CARF: variants seen among roughly 807,000 people sequenced by gnomAD.
CARF encodes calcium-responsive transcription factor.
Under a neutral mutation model 82.0 loss-of-function variants are expected in CARF, and 57 were observed. The ratio of observed to expected loss-of-function variants is 0.70; its 90% CI spans 0.56 to 0.87. CARF has a LOEUF of 0.87. Among genes scored for constraint, CARF ranks in the 40% least tolerant of loss-of-function variants. CARF has a pLI of 0.00. For missense variants in CARF, 771 were observed against 855.8 expected (o/e 0.90, Z 1.24); for synonymous variants, 268 against 290.1 (o/e 0.92, Z 0.77).
At position 202,987,526 on chromosome 2, in the gene CARF, ATTAAC is replaced by A. The variant is rs1322305237; in HGVS notation, c.*3906_*3910del. 2.0e-5 allele frequency among the ~76,000 whole-genome samples: 3 copies of A among 152,318 alleles called. No individual in the cohort carries two copies. The highest frequency in any genetic ancestry group is 7.2e-5 in the African/African-American group (3 of 41,564). On this transcript the variant is annotated 3_prime_UTR_variant, in exon 17 of 17. Transcript: ENST00000438828. ...ATCTAAAAATCTGTCATTCTACTTA[ATTAAC>A]TTAGTCATAAGGACAAAGCCTTAGT...
chr2:202,968,689 G>A (rs1485853251), intron 10 of CARF, among the ~76,000 whole-genome samples: 5 of 152,000 alleles, frequency 3.3e-5, no homozygotes, highest in African/African-American at 7.2e-5. Flanking sequence ...CTTTTTGACT[G>A]TCTACTCTGT....
rs567435475 is a variant in CARF, at chr2:202,935,227, AAT to A, written c.-43-6624_-43-6623del. On this transcript the variant is annotated intron_variant, in intron 3 of 16. Transcript: ENST00000438828. Reference sequence around the variant, plus strand: ...ATATAATATATTCATTTACTATACTAATATATATATTATATATTTGTATATTA... The same window carrying A: ...ATATAATATATTCATTTACTATACTAATATATATTATATATTTGTATATTA... Among the ~76,000 whole-genome samples, 555 of 141,534 alleles carry A rather than the reference AAT, an allele frequency of 3.9e-3. 1 individual carries two copies. Among genetic ancestry groups the A allele is most frequent in the African/African-American group, 8.1e-3 (312 of 38,678 alleles). 92.9% of individuals were successfully genotyped at this position (141,534 alleles called of 152,430 possible). A position where few individuals can be genotyped will look rare whatever the true frequency, so the allele number is the denominator to read the frequency against.
rs2060447577 is a variant in CARF, at chr2:202,986,878, A to ATG, written c.*3255_*3256insGT. On this transcript the variant is annotated 3_prime_UTR_variant, in exon 17 of 17. Transcript: ENST00000438828. ...AAAAAATGTCTGTGCGTATATATATATATATATATATATATATATATATAT... is the reference window on the plus strand; with the variant it reads ...AAAAAATGTCTGTGCGTATATATATATGTATATATATATATATATATATATAT... 1.8e-5 allele frequency: 2 copies of ATG among 112,458 alleles called. No homozygotes were observed. The highest frequency in any genetic ancestry group is 3.0e-4 in the South Asian group (1 of 3,320). The allele number at this position is 112,458 out of a possible 1,614,324, so 7.0% of individuals were successfully genotyped here.
chr2:202,942,870 C>T lies in CARF; in HGVS notation c.209C>T (p.Thr70Ile). ...SQNIPGPLTQ[T>I]QTLSAEQFHL... is the part of the protein sequence containing the mutation. ...AATATACCAGGGCCCCTGACTCAGACACAGACTCTTTCTGCAGAGCAATTC... is the reference window on the plus strand; with the variant it reads ...AATATACCAGGGCCCCTGACTCAGATACAGACTCTTTCTGCAGAGCAATTC... The change falls in exon 5 of 17, where the codon ACA becomes ATA. Residue 70 changes from threonine (T) to isoleucine (I), a missense_variant. Transcript: ENST00000438828. 6.2e-7 allele frequency: 1 copy of T among 1,614,108 alleles called. No individual in the cohort carries two copies. The highest frequency in any genetic ancestry group is 8.5e-7 in the Non-Finnish European group (1 of 1,180,014).
chr2:202,982,443 T>G lies in CARF; in HGVS notation c.2059+2T>G. 3 of 1,613,620 alleles carry G rather than the reference T, an allele frequency of 1.9e-6. No individual in the cohort carries two copies. The highest frequency in any genetic ancestry group is 2.5e-6 in the Non-Finnish European group (3 of 1,179,854). On this transcript the variant is annotated splice_donor_variant, in intron 16 of 16. Coordinates refer to ENST00000438828, the MANE Select transcript of CARF (RefSeq NM_024744.17). LOFTEE classifies it high-confidence loss of function. The stretch of plus-strand genomic sequence containing the variant: ...TTATAGACAACCACTCAGCTCTTAG[T>G]AAGTTGAAATCAATTTATGATGTTA...
intron 1 of CARF, among the ~76,000 whole-genome samples, chr2:202,914,726 C>G (rs1689268713): frequency 6.8e-6 from 1 of 147,348 alleles, no homozygotes; most frequent in Non-Finnish European, 1.5e-5. Context: ...TTGCAGTAAG[C>G]CAAGATCACG....
chr2:202,975,008 C>G (rs2059965301), intron 13 of CARF, among the ~76,000 whole-genome samples: 1 of 151,824 alleles, frequency 6.6e-6, no homozygotes, highest in Admixed American at 6.6e-5. Context: ...AGTGAATTCC[C>G]AACTCCATAA....
At chr2:202,974,293 T>A (rs1448995524) in intron 12 of CARF, 41 bp from the exon 13 acceptor site, 1 of 1,468,148 alleles carries the variant, frequency 6.8e-7, no homozygotes, top group African/African-American at 1.4e-5. Flanking sequence ...GGCATATTGC[T>A]AAATGGTTTA....
chr2:202,957,069 A>G (rs1005641055), intron 8 of CARF, among the ~76,000 whole-genome samples: 2 of 152,108 alleles, frequency 1.3e-5, no homozygotes, highest in Non-Finnish European at 2.9e-5. Flanking sequence ...GATTACAGGC[A>G]TGAGCCACCG....
At chr2:202,982,001 A>G (rs934867944) in intron 15 of CARF, 71 bp from the exon 16 acceptor site, 9 of 1,469,742 alleles carry the variant, frequency 6.1e-6, no homozygotes, top group Non-Finnish European at 8.3e-6. Context: ...TGTCAAAAGA[A>G]TTGTATATCC....
At chr2:202,954,900 G>C (rs1252676278) in intron 7 of CARF, among the ~76,000 whole-genome samples, 1 of 151,214 alleles carries the variant, frequency 6.6e-6, no homozygotes, top group South Asian at 2.1e-4. Flanking sequence ...TGTAGTCCCA[G>C]CCACTTGGGA....
At chr2:202,970,974 T>G (rs994261747) in intron 11 of CARF, among the ~76,000 whole-genome samples, 1 of 152,056 alleles carries the variant, frequency 6.6e-6, no homozygotes, top group African/African-American at 2.4e-5. Context: ...GTTGAGCTCC[T>G]GTGAGGAAAG....
intron 9 of CARF, among the ~76,000 whole-genome samples, chr2:202,964,305 G>C (rs1253884115): frequency 6.6e-6 from 1 of 151,132 alleles, no homozygotes; most frequent in Non-Finnish European, 1.5e-5. Context: ...TTTGAGTCGG[G>C]GTCTCACTCT....
intron 5 of CARF, among the ~76,000 whole-genome samples, chr2:202,951,741 A>C (rs932905004): frequency 3.9e-5 from 6 of 152,128 alleles, no homozygotes; most frequent in Non-Finnish European, 8.8e-5. Context: ...CTTTTGAGGC[A>C]CTTTGTAGTA....
At chr2:202,973,896 G>A (rs1449324095) in intron 12 of CARF, among the ~76,000 whole-genome samples, 1 of 151,914 alleles carries the variant, frequency 6.6e-6, no homozygotes, top group Non-Finnish European at 1.5e-5. Flanking sequence ...GACCAGCCTA[G>A]TGAAACATAG....
intron 7 of CARF, among the ~76,000 whole-genome samples, chr2:202,955,428 T>A (rs2058989938): frequency 6.6e-6 from 1 of 152,204 alleles, no homozygotes; most frequent in Admixed American, 6.5e-5. Flanking sequence ...TATGAAACAC[T>A]TAAAGTTGTT....
intron 5 of CARF, among the ~76,000 whole-genome samples, chr2:202,945,543 T>A (rs2058456426): frequency 6.6e-6 from 1 of 152,120 alleles, no homozygotes; most frequent in African/African-American, 2.4e-5. Context: ...AGCTCCCCCT[T>A]GTAAGTGAGA....
intron 6 of CARF, among the ~76,000 whole-genome samples, chr2:202,953,522 T>C (rs1273925489): frequency 7.7e-6 from 1 of 130,648 alleles, no homozygotes; most frequent in Non-Finnish European, 1.7e-5. Flanking sequence ...TTTTTTGCTT[T>C]CCTCCCTTTT....
chr2:202,924,464 G>A (rs1400646216), intron 3 of CARF, 49 bp downstream of exon 3: 1 of 152,134 alleles, frequency 6.6e-6, no homozygotes, highest in African/African-American at 2.4e-5. Flanking sequence ...AGTTGTTTTA[G>A]CACCATTAGT....
Sources: gnomAD v4.1 joint callset for allele counts (sites outside exome capture counted in the v4.1 genomes callset) on GRCh38, gnomAD v4.1.1 for gene constraint, MANE v1.5 for transcripts, NCBI Gene and HGNC (gene_info 2026-07-23, HGNC 2026-07-21) for gene names.